Variants in PDE10A observed in about 807,000 individuals in gnomAD.
PDE10A encodes phosphodiesterase 10A.
Under a neutral mutation model 97.7 loss-of-function variants are expected in PDE10A, and 39 were observed. The ratio of observed to expected loss-of-function variants is 0.40; its 90% CI spans 0.31 to 0.52. The LOEUF is 0.52. Ranked by LOEUF, PDE10A falls within the 20% of genes least tolerant of loss-of-function variation. The probability of loss-of-function intolerance (pLI) is 0.56; values close to 1 mark genes in which losing one functional copy is unlikely to be tolerated. For synonymous variants in PDE10A, 371 were observed against 376.8 expected, an observed-to-expected ratio of 0.98 and a Z score of 0.18; for missense variants, 731 against 1,047.8, an observed-to-expected ratio of 0.70 and a Z score of 4.17.
intron 1 of PDE10A, among the ~76,000 whole-genome samples, chr6:165,564,133 C>T (rs1784658878): frequency 6.6e-6 from 1 of 152,214 alleles, no homozygotes; most frequent in African/African-American, 2.4e-5. Flanking sequence ...AATTCAAATA[C>T]ATATCCTTTA....
chr6:165,722,760 G>A (rs1024861821), intron 1 of PDE10A, among the ~76,000 whole-genome samples: 2 of 152,064 alleles, frequency 1.3e-5, no homozygotes, highest in African/African-American at 2.4e-5. Flanking sequence ...GAAGTCTGGA[G>A]TAGTTCCTGC....
chr6:165,568,147 C>T (rs1202717262), intron 1 of PDE10A, among the ~76,000 whole-genome samples: 4 of 152,086 alleles, frequency 2.6e-5, no homozygotes, highest in Admixed American at 6.5e-5. Context: ...TACAAGCGCC[C>T]GCCACCACGC....
intron 1 of PDE10A, among the ~76,000 whole-genome samples, chr6:165,900,481 T>C (rs375415958): frequency 1.3e-5 from 2 of 151,252 alleles, no homozygotes; most frequent in African/African-American, 4.9e-5. Flanking sequence ...CAAAAAAAAC[T>C]ACAAATAAAA....
At chr6:165,641,226 G>T (rs747118130) in intron 1 of PDE10A, among the ~76,000 whole-genome samples, 1 of 151,994 alleles carries the variant, frequency 6.6e-6, no homozygotes, top group East Asian at 1.9e-4. Flanking sequence ...CATAAGAAAG[G>T]TTTTTTTAAA....
intron 1 of PDE10A, among the ~76,000 whole-genome samples, chr6:165,803,923 C>T (rs1288462938): frequency 6.6e-6 from 1 of 152,208 alleles, no homozygotes; most frequent in Non-Finnish European, 1.5e-5. Context: ...CCCTCCCCAT[C>T]TCCCCAACCC....
At chr6:165,598,048 G>C (rs1018724657) in intron 1 of PDE10A, among the ~76,000 whole-genome samples, 1 of 152,182 alleles carries the variant, frequency 6.6e-6, no homozygotes, top group Non-Finnish European at 1.5e-5. Context: ...TCAATGCCAC[G>C]AGTCAAGCCA....
intron 18 of PDE10A, among the ~76,000 whole-genome samples, chr6:165,344,190 A>G (rs1026302107): frequency 6.6e-6 from 1 of 152,122 alleles, no homozygotes; most frequent in Non-Finnish European, 1.5e-5. Flanking sequence ...GGCTTGGTTT[A>G]ATCTTTCCTC....
In PDE10A at chr6:165,518,724, A is replaced by G. The variant is rs534038448; in HGVS notation, c.994+24716T>C. ...TGCTGAGGTTGCTAAGATCAGCAGT[A>G]AGAACAAATTTTCTGTCCATGAAAC... is the stretch of plus-strand genomic sequence containing the variant. On this transcript the variant is annotated intron_variant, in intron 2 of 21. Transcript: ENST00000539869. Among the ~76,000 whole-genome samples, 4 of 152,334 alleles carry G rather than the reference A, an allele frequency of 2.6e-5. No individual in the cohort carries two copies. In the South Asian group the frequency reaches 6.2e-4, roughly 24 times the overall value.
At chr6:165,386,407 A>G (rs960914320) in intron 17 of PDE10A, among the ~76,000 whole-genome samples, 3 of 152,214 alleles carry the variant, frequency 2.0e-5, no homozygotes, top group Non-Finnish European at 2.9e-5. Context: ...TTGGCTATTA[A>G]AATTCAGCTG....
At chr6:165,568,143 C>G (rs1470116506) in intron 1 of PDE10A, among the ~76,000 whole-genome samples, 1 of 151,898 alleles carries the variant, frequency 6.6e-6, no homozygotes, top group South Asian at 2.1e-4. Context: ...GGACTACAAG[C>G]GCCCGCCACC....
chr6:165,555,859 G>C (rs1441500680), intron 1 of PDE10A, among the ~76,000 whole-genome samples: 4 of 152,178 alleles, frequency 2.6e-5, no homozygotes, highest in Admixed American at 2.6e-4. Flanking sequence ...GAACAAGCCA[G>C]AGGAATGTGA....
intron 17 of PDE10A, among the ~76,000 whole-genome samples, chr6:165,383,972 C>T (rs942488001): frequency 6.6e-6 from 1 of 151,998 alleles, no homozygotes; most frequent in Non-Finnish European, 1.5e-5. Flanking sequence ...GGTTAAGATA[C>T]GGTCTGAAAC....
In PDE10A at chr6:165,338,654, T is replaced by C. The variant is rs903865332; in HGVS notation, c.2976+624A>G. Among the ~76,000 whole-genome samples the C allele has an allele frequency of 7.2e-5, 11 of 152,294 alleles. No individual in the cohort carries two copies. In the South Asian group the frequency reaches 8.3e-4, roughly 11 times the overall value. ...TCTATAATGTAACTCTCCAAAAATA[T>C]CTTTGTTTAGCCAATGACAAAATAT... is the stretch of plus-strand genomic sequence containing the variant. On this transcript the variant is annotated intron_variant, in intron 20 of 21. Transcript: ENST00000539869.
In PDE10A at chr6:165,401,271, C is replaced by A. The variant is rs538316588; in HGVS notation, c.2077-4812G>T. ...CATATAAATTTCAGCAAAAAAGTCA[C>A]GTGACAATGAAAATACTGGCAAAGA... On this transcript the variant is annotated intron_variant, in intron 13 of 21. Transcript: ENST00000539869. Among the ~76,000 whole-genome samples the A allele has an allele frequency of 7.4e-4, 112 of 152,238 alleles. No homozygotes were observed. The South Asian group carries it at 0.023, about 31-fold the overall frequency.
rs910341588 is a variant in PDE10A at position 165,495,544 on chromosome 6, G to A, written c.995-13201C>T. On this transcript the variant is annotated intron_variant, in intron 2 of 21. Coordinates refer to ENST00000539869, the MANE Select transcript of PDE10A (RefSeq NM_001385079.1). The stretch of plus-strand genomic sequence containing the variant: ...TTACCAGGTAAAACTAAAAACACTC[G>A]AGTATTTTTTTAAATGCAACAAAGT... 1.7e-3 allele frequency among the ~76,000 whole-genome samples: 124 copies of A among 74,144 alleles called. 1 individual carries two copies. Among genetic ancestry groups the A allele is most frequent in the Middle Eastern group, 6.5e-3 (1 of 154 alleles). The allele number at this position is 74,144 out of a possible 152,430, so 48.6% of individuals were successfully genotyped here. A position where few individuals can be genotyped will look rare whatever the true frequency, so the allele number is the denominator to read the frequency against.
At chr6:165,865,934 A>G (rs756980062) in intron 1 of PDE10A, among the ~76,000 whole-genome samples, 2 of 152,198 alleles carry the variant, frequency 1.3e-5, no homozygotes, top group Non-Finnish European at 2.9e-5. Context: ...GGAACCTCAA[A>G]TATCTTCAAC....
intron 1 of PDE10A, among the ~76,000 whole-genome samples, chr6:165,573,255 A>C (rs1179767676): frequency 6.8e-6 from 1 of 146,010 alleles, no homozygotes; most frequent in Non-Finnish European, 1.5e-5. Flanking sequence ...ATTTGGCCGT[A>C]GAGCATGTTC....
chr6:165,909,551 T>G (rs1215115331), intron 1 of PDE10A, among the ~76,000 whole-genome samples: 2 of 152,290 alleles, frequency 1.3e-5, no homozygotes, highest in African/African-American at 4.8e-5. Context: ...GGGAGTGACG[T>G]TAACAAGGCA....
chr6:165,926,965 G>A (rs1418407545), intron 1 of PDE10A, among the ~76,000 whole-genome samples: 1 of 151,796 alleles, frequency 6.6e-6, no homozygotes, highest in East Asian at 1.9e-4. Context: ...ACTTATGGAA[G>A]CATGTTAAGA....
Sources: allele counts gnomAD v4.1 joint callset (sites outside exome capture counted in the v4.1 genomes callset), GRCh38; gene constraint gnomAD v4.1.1; transcripts MANE v1.5; gene names NCBI Gene and HGNC (gene_info 2026-07-23, HGNC 2026-07-21).